The following LRRC20 variants were observed in gnomAD, a reference collection of about 807,000 sequenced individuals.
LRRC20 encodes leucine rich repeat containing 20.
Under a neutral mutation model 14.4 loss-of-function variants are expected in LRRC20, and 11 were observed. That is an observed-to-expected ratio of 0.77 (90% confidence interval 0.48 to 1.27). The LOEUF (loss-of-function observed/expected upper bound fraction) is 1.27, where lower values mean the gene tolerates loss of function less well. LRRC20 is among the 50% of genes most tolerant of loss of function. The pLI is 0.00. For synonymous variants in LRRC20, 121 were observed against 107.3 expected (o/e 1.13, Z -0.79); for missense variants, 219 against 251.2 (o/e 0.87, Z 0.87).
intron 4 of LRRC20, among the ~76,000 whole-genome samples, chr10:70,313,088 A>G (rs889721275): frequency 6.6e-6 from 1 of 152,208 alleles, no homozygotes; most frequent in Non-Finnish European, 1.5e-5. Context: ...CTGACATGCA[A>G]TCAAAGCCAG....
chr10:70,368,157 CTTTTTT>C (rs373588441), intron 2 of LRRC20, among the ~76,000 whole-genome samples: 17 of 102,814 alleles, frequency 1.7e-4, no homozygotes, highest in Admixed American at 4.4e-4. Flanking sequence ...CTAATTTTTG[CTTTTTT>C]TTTTTTTTTT....
chr10:70,352,369 C>A (rs1024607184), intron 2 of LRRC20, among the ~76,000 whole-genome samples: 3 of 152,070 alleles, frequency 2.0e-5, no homozygotes, highest in Non-Finnish European at 2.9e-5. Context: ...GTATATTGTG[C>A]TAAGTGAAAC....
chr10:70,351,564 T>C (rs1345040487), intron 2 of LRRC20, among the ~76,000 whole-genome samples: 1 of 152,186 alleles, frequency 6.6e-6, no homozygotes, highest in African/African-American at 2.4e-5. Context: ...ACATAAATGA[T>C]GACAAAGGAC....
intron 4 of LRRC20, among the ~76,000 whole-genome samples, chr10:70,312,504 AT>A (rs1213309308): frequency 6.6e-6 from 1 of 152,226 alleles, no homozygotes; most frequent in East Asian, 1.9e-4. Flanking sequence ...GCAGAAGCAA[AT>A]GGAAATAGAA....
chr10:70,333,230 G>A (rs1009316877), intron 3 of LRRC20, among the ~76,000 whole-genome samples: 4 of 152,170 alleles, frequency 2.6e-5, no homozygotes, highest in Admixed American at 2.6e-4. Context: ...ACACGGTCCT[G>A]GTGTTCCAGG....
chr10:70,371,402 C>T (rs907470385), intron 2 of LRRC20, among the ~76,000 whole-genome samples: 1 of 152,094 alleles, frequency 6.6e-6, no homozygotes, highest in Non-Finnish European at 1.5e-5. Context: ...TGCCTGGGGG[C>T]TCCCAGGGAT....
At chr10:70,326,913 C>A (rs1335721845) in intron 3 of LRRC20, among the ~76,000 whole-genome samples, 1 of 152,218 alleles carries the variant, frequency 6.6e-6, no homozygotes, top group Non-Finnish European at 1.5e-5. Flanking sequence ...CCCGCCTCAG[C>A]CTCCCAAAGT....
At position 70,300,344 on chromosome 10, in the gene LRRC20, C is replaced by T; in HGVS notation, c.*1010G>A. ...ACCAGGACAGCTGGTCACCCTGTTG[C>T]CTGACCATACCCTAAGATGCCAGGT... On this transcript the variant is annotated 3_prime_UTR_variant, in exon 5 of 5. Transcript: ENST00000446961. 1.0e-6 allele frequency: 1 copy of T among 983,646 alleles called. No individual in the cohort carries two copies. The highest frequency in any genetic ancestry group is 1.2e-6 in the Non-Finnish European group (1 of 828,266). The allele number at this position is 983,646 out of a possible 1,614,324, so 60.9% of individuals were successfully genotyped here.
chr10:70,375,559 G>GAGAC (rs1348509837), intron 2 of LRRC20, among the ~76,000 whole-genome samples: 1 of 152,188 alleles, frequency 6.6e-6, no homozygotes, highest in East Asian at 1.9e-4. Flanking sequence ...GCTCCTTTGT[G>GAGAC]AGACAGACAG....
At chr10:70,316,601 C>T (rs1406397885) in intron 4 of LRRC20, among the ~76,000 whole-genome samples, 2 of 152,252 alleles carry the variant, frequency 1.3e-5, no homozygotes, top group Non-Finnish European at 2.9e-5. Context: ...AAGTGTGTGG[C>T]TTGCTACTTC....
chr10:70,360,546 C>T (rs531851943), intron 2 of LRRC20, among the ~76,000 whole-genome samples: 27 of 152,222 alleles, frequency 1.8e-4, no homozygotes, highest in Non-Finnish European at 3.2e-4. Context: ...AAGTGATCCT[C>T]CTGCTTCAGT....
In LRRC20 at chr10:70,323,902, C is replaced by T; in HGVS notation, c.361G>A (p.Ala121Thr). The part of the protein sequence containing the change: ...DFPEQLTALP[A>T]LETINLEENE... ...TCCTCCAGGTTGATGGTCTCCAGCGCCGGCAGGGCGGTAAGCTGCTCAGGG... is the reference window on the plus strand; with the variant it reads ...TCCTCCAGGTTGATGGTCTCCAGCGTCGGCAGGGCGGTAAGCTGCTCAGGG... Residue 121 changes from alanine to threonine, a missense_variant, in exon 4 of 5, where the codon GCG becomes ACG. Coordinates refer to ENST00000446961, the MANE Select transcript of LRRC20 (RefSeq NM_001278212.2). 1 of 1,614,210 alleles carries T rather than the reference C, an allele frequency of 6.2e-7. No individual in the cohort carries two copies. The highest frequency in any genetic ancestry group is 2.2e-5 in the East Asian group (1 of 44,870).
chr10:70,382,223 G>A (rs1015197730), intron 1 of LRRC20, among the ~76,000 whole-genome samples: 8 of 152,220 alleles, frequency 5.3e-5, no homozygotes, highest in Non-Finnish European at 1.2e-4. Context: ...CTCCCGCGAG[G>A]AATGGAGGCC....
chr10:70,312,804 C>T (rs1223735653), intron 4 of LRRC20, among the ~76,000 whole-genome samples: 1 of 152,172 alleles, frequency 6.6e-6, no homozygotes, highest in Non-Finnish European at 1.5e-5. Context: ...TCGGTGCTCT[C>T]CAGGGAGGAG....
chr10:70,339,959 A>G (rs977932338), intron 3 of LRRC20, among the ~76,000 whole-genome samples: 1 of 151,580 alleles, frequency 6.6e-6, no homozygotes, highest in Non-Finnish European at 1.5e-5. Context: ...CACCTCTATT[A>G]AAAATATTAA....
rs111652014 is a variant in LRRC20 at position 70,376,380 on chromosome 10, T to C, written c.82+72A>G. The C allele has an allele frequency of 3.0e-3, 4,494 of 1,477,568 alleles. 11 individuals carry two copies. The highest frequency in any genetic ancestry group is 4.0e-3 in the Non-Finnish European group (4,268 of 1,061,886). 91.5% of individuals were successfully genotyped at this position (1,477,568 alleles called of 1,614,324 possible). ...TGCACACTGACGCTTGTGTCTTTCA[T>C]CTCTGTTTCATTTCTAAGCTGATCT... On this transcript the variant is annotated intron_variant, in intron 2 of 4. Transcript: ENST00000446961.
chr10:70,337,785 C>G (rs1456344016), intron 3 of LRRC20, among the ~76,000 whole-genome samples: 13 of 152,294 alleles, frequency 8.5e-5, no homozygotes, highest in Middle Eastern at 3.4e-3. Context: ...GTCCTGCAAC[C>G]CTGGTCTCCT....
chr10:70,323,688 G>T (rs183726750), intron 4 of LRRC20, among the ~76,000 whole-genome samples, 175 bp downstream of exon 4: 5 of 152,212 alleles, frequency 3.3e-5, no homozygotes, highest in Non-Finnish European at 7.4e-5. Flanking sequence ...CCCAGCACCC[G>T]GTAGGCAACA....
chr10:70,368,795 T>C (rs1298659801), intron 2 of LRRC20, among the ~76,000 whole-genome samples: 1 of 152,068 alleles, frequency 6.6e-6, no homozygotes, highest in African/African-American at 2.4e-5. Flanking sequence ...GCTAAGTTTT[T>C]GTATTTTAGT....
Sources: allele counts gnomAD v4.1 joint callset (sites outside exome capture counted in the v4.1 genomes callset), GRCh38; gene constraint gnomAD v4.1.1; transcripts MANE v1.5; gene names NCBI Gene and HGNC (gene_info 2026-07-23, HGNC 2026-07-21).